DDX10: variants seen among roughly 807,000 people sequenced by gnomAD.
The protein encoded by DDX10 is probable ATP-dependent RNA helicase DDX10.
DDX10 carries 74 observed loss-of-function variants against 104.3 expected under a neutral mutation model. The observed-to-expected ratio is 0.71, with a 90% confidence interval of 0.59 to 0.86. The LOEUF (loss-of-function observed/expected upper bound fraction) is 0.86, where lower values mean the gene tolerates loss of function less well. DDX10 is among the 40% of genes least tolerant of loss of function. The pLI, the probability that DDX10 is intolerant of heterozygous loss-of-function variation, is 0.00. For synonymous variants in DDX10, 351 were observed against 353.4 expected (o/e 0.99, Z 0.08); for missense variants, 952 against 1,040.0 (o/e 0.92, Z 1.16).
At chr11:108,737,836 T>C (rs987718835) in intron 13 of DDX10, among the ~76,000 whole-genome samples, 1 of 152,172 alleles carries the variant, frequency 6.6e-6, no homozygotes, top group Non-Finnish European at 1.5e-5. Flanking sequence ...CAAGTTTGTT[T>C]TTAAAATTAA....
At chr11:108,935,750 T>G (rs1864029509) in intron 17 of DDX10, among the ~76,000 whole-genome samples, 1 of 152,162 alleles carries the variant, frequency 6.6e-6, no homozygotes, top group African/African-American at 2.4e-5. Flanking sequence ...ACTTCCAACC[T>G]TTTCATCATC....
rs1184593380 is a variant in DDX10 at position 108,722,980 on chromosome 11, G to A, written c.1500-17G>A. On this transcript the variant is annotated splice_polypyrimidine_tract_variant and intron_variant, in intron 12 of 17. Coordinates refer to ENST00000322536, the MANE Select transcript of DDX10 (RefSeq NM_004398.4). ...TCAGTGTTGAGATGACTGTTTTCACGTTTTTCCATATTTAAGGTCTCTTGG... is the reference window on the plus strand; with the variant it reads ...TCAGTGTTGAGATGACTGTTTTCACATTTTTCCATATTTAAGGTCTCTTGG... 1.6e-5 allele frequency: 26 copies of A among 1,579,214 alleles called. No individual in the cohort carries two copies. Among genetic ancestry groups the A allele is most frequent in the East Asian group, 2.2e-5 (1 of 44,648 alleles).
chr11:108,755,938 T>TTC (rs914600567), intron 13 of DDX10, among the ~76,000 whole-genome samples: 8 of 151,092 alleles, frequency 5.3e-5, no homozygotes, highest in Non-Finnish European at 7.4e-5. Context: ...GCCTTTTTCT[T>TTC]TCTCTCTCTC....
At chr11:108,896,355 T>TA (rs1189542417) in intron 16 of DDX10, among the ~76,000 whole-genome samples, 2 of 522 alleles carry the variant, frequency 3.8e-3, no homozygotes, top group Non-Finnish European at 0.071. Flanking sequence ...CCTTCACATA[T>TA]TTTTTTTTTT....
chr11:108,754,768 A>G (rs957813208), intron 13 of DDX10, among the ~76,000 whole-genome samples: 2 of 152,000 alleles, frequency 1.3e-5, no homozygotes, highest in Non-Finnish European at 2.9e-5. Context: ...AGCCTGGGAA[A>G]TCTATGAGAA....
chr11:108,685,423 C>G (rs1422349976), intron 6 of DDX10, among the ~76,000 whole-genome samples: 1 of 151,590 alleles, frequency 6.6e-6, no homozygotes, highest in Non-Finnish European at 1.5e-5. Context: ...TGGCCTGCGC[C>G]CACTGTCTGG....
chr11:108,836,076 G>A (rs1359039261), intron 13 of DDX10, among the ~76,000 whole-genome samples: 1 of 152,162 alleles, frequency 6.6e-6, no homozygotes, highest in Non-Finnish European at 1.5e-5. Context: ...GCAGGAATTA[G>A]CCTTAAGTTT....
intron 13 of DDX10, among the ~76,000 whole-genome samples, chr11:108,777,518 T>G (rs1056330096): frequency 6.6e-6 from 1 of 152,108 alleles, no homozygotes; most frequent in African/African-American, 2.4e-5. Context: ...AGAAGGGGTT[T>G]CACCATGTTG....
chr11:108,875,149 T>C (rs1863135859), intron 16 of DDX10, among the ~76,000 whole-genome samples: 1 of 152,180 alleles, frequency 6.6e-6, no homozygotes, highest in Non-Finnish European at 1.5e-5. Context: ...AAAGTTTCTA[T>C]GAAGCCTGCG....
intron 12 of DDX10, among the ~76,000 whole-genome samples, chr11:108,721,516 G>A (rs1429963047): frequency 1.3e-5 from 2 of 152,178 alleles, no homozygotes; most frequent in Non-Finnish European, 2.9e-5. Context: ...GGGACCATTT[G>A]TTGCAATAGA....
rs7102972 is a variant in DDX10 at position 108,788,674 on chromosome 11, T to C, written c.1966-49772T>C. Among the ~76,000 whole-genome samples, 1,161 of 152,276 alleles carry C rather than the reference T, an allele frequency of 7.6e-3. 14 individuals carry two copies. The highest frequency in any genetic ancestry group is 0.026 in the African/African-American group (1,077 of 41,566). The stretch of plus-strand genomic sequence containing the variant: ...CATGGAGCCCAGCCCTGTAGCTAGA[T>C]TTTTAAAAGTTTTCACTGGTGTTGT... On this transcript the variant is annotated intron_variant, in intron 13 of 17. Transcript: ENST00000322536.
At chr11:108,714,017 T>C (rs528031045) in intron 10 of DDX10, among the ~76,000 whole-genome samples, 4 of 152,312 alleles carry the variant, frequency 2.6e-5, no homozygotes, top group Admixed American at 6.5e-5. Context: ...GGCTTGACTT[T>C]CATTAACAAG....
At chr11:108,699,925 G>A (rs1235785384) in intron 9 of DDX10, among the ~76,000 whole-genome samples, 1 of 152,162 alleles carries the variant, frequency 6.6e-6, no homozygotes, top group East Asian at 1.9e-4. Flanking sequence ...AATAGTGTGT[G>A]GCTTAGATGG....
chr11:108,704,106 C>G (rs2094272404), intron 9 of DDX10, among the ~76,000 whole-genome samples: 1 of 152,120 alleles, frequency 6.6e-6, no homozygotes, highest in Non-Finnish European at 1.5e-5. Context: ...ACTCATCCTC[C>G]CAGGTGCTCC....
chr11:108,845,421 GT>G (rs1862703182), intron 15 of DDX10, among the ~76,000 whole-genome samples: 1 of 152,024 alleles, frequency 6.6e-6, no homozygotes, highest in African/African-American at 2.4e-5. Flanking sequence ...ACAATTCTTA[GT>G]TCTTTTAGTG....
chr11:108,905,239 TAG>T (rs1167545654), intron 16 of DDX10, among the ~76,000 whole-genome samples: 2 of 149,496 alleles, frequency 1.3e-5, no homozygotes, highest in Non-Finnish European at 3.0e-5. Flanking sequence ...AAAGATCTTT[TAG>T]AGTTTTAAAA....
intron 15 of DDX10, among the ~76,000 whole-genome samples, chr11:108,848,191 C>G (rs1334976332): frequency 6.6e-6 from 1 of 152,144 alleles, no homozygotes; most frequent in African/African-American, 2.4e-5. Context: ...TAGTTTAAGA[C>G]TCCATACTAA....
At chr11:108,675,886 C>T (rs2094224387) in intron 3 of DDX10, 160 bp downstream of exon 3, 2 of 867,382 alleles carry the variant, frequency 2.3e-6, no homozygotes, top group South Asian at 1.7e-5. Context: ...GTGTCTTGTT[C>T]TCACCATTTT....
At chr11:108,844,872 C>G (rs933908267) in intron 15 of DDX10, among the ~76,000 whole-genome samples, 2 of 152,124 alleles carry the variant, frequency 1.3e-5, no homozygotes, top group African/African-American at 4.8e-5. Context: ...TTCTCCCTGA[C>G]AAGTCAGGTT....
Sources: allele counts gnomAD v4.1 joint callset (sites outside exome capture counted in the v4.1 genomes callset), GRCh38; gene constraint gnomAD v4.1.1; transcripts MANE v1.5; gene names NCBI Gene and HGNC (gene_info 2026-07-23, HGNC 2026-07-21).